Variants in ATP8B4 observed in about 807,000 individuals in gnomAD.
The protein encoded by ATP8B4 is ATPase phospholipid transporting 8B4 (putative).
ATP8B4 carries 133 observed loss-of-function variants against 145.6 expected under a neutral mutation model. That is an observed-to-expected ratio of 0.91 (90% CI 0.79 to 1.05). The LOEUF (loss-of-function observed/expected upper bound fraction) is 1.05. Among genes scored for constraint, ATP8B4 ranks in the 50% least tolerant of loss-of-function variants. The pLI, the probability that ATP8B4 is intolerant of heterozygous loss-of-function variation, is 0.00. For missense variants in ATP8B4, 1,458 were observed against 1,425.2 expected (o/e 1.02, Z -0.37); for synonymous variants, 507 against 492.9 (o/e 1.03, Z -0.38).
intron 14 of ATP8B4, among the ~76,000 whole-genome samples, chr15:49,946,659 G>A (rs1018189514): frequency 1.3e-5 from 2 of 151,848 alleles, no homozygotes; most frequent in African/African-American, 2.4e-5. Flanking sequence ...TTGCAACCCA[G>A]GGATGAAGGA....
chr15:49,930,658 AT>A (rs2041167407), intron 16 of ATP8B4, among the ~76,000 whole-genome samples: 1 of 152,086 alleles, frequency 6.6e-6, no homozygotes, highest in Non-Finnish European at 1.5e-5. Context: ...TGAATGGGCT[AT>A]GCAGTCACAC....
intron 6 of ATP8B4, among the ~76,000 whole-genome samples, chr15:50,019,626 C>G (rs1005753751): frequency 1.3e-5 from 2 of 152,174 alleles, no homozygotes; most frequent in African/African-American, 4.8e-5. Flanking sequence ...CACTCACTTT[C>G]TCTACTTCTT....
rs1567402913 is a variant in ATP8B4 at position 50,138,321 on chromosome 15, GATA to G, written c.-42-31316_-42-31314del. On this transcript the variant is annotated intron_variant, in intron 1 of 3. Coordinates refer to the ATP8B4 transcript ENST00000558829. ...AGATAGATACATATATAGATAGATA[GATA>G]GGTAGATAGATAGATAGATAGATAG... 5.1e-5 allele frequency among the ~76,000 whole-genome samples: 6 copies of G among 117,252 alleles called. No homozygotes were observed. In the East Asian group the frequency reaches 7.3e-4, roughly 14 times the overall value. 76.9% of individuals were successfully genotyped at this position (117,252 alleles called of 152,430 possible).
At chr15:50,137,461 A>G (rs1301222230) in intron 1 of ATP8B4, among the ~76,000 whole-genome samples, 1 of 152,326 alleles carries the variant, frequency 6.6e-6, no homozygotes, top group Middle Eastern at 3.4e-3. Flanking sequence ...GTGCGTCATC[A>G]TGACTCACAA....
intron 1 of ATP8B4, among the ~76,000 whole-genome samples, chr15:50,139,434 C>G (rs567394821): frequency 6.6e-6 from 1 of 150,840 alleles, no homozygotes; most frequent in Non-Finnish European, 1.5e-5. Context: ...CAGGGCCTGT[C>G]GGGGGGTTGG....
At chr15:49,862,663 T>G (rs2153371378) in intron 26 of ATP8B4, among the ~76,000 whole-genome samples, 1 of 152,180 alleles carries the variant, frequency 6.6e-6, no homozygotes, top group Admixed American at 6.5e-5. Context: ...TTTCACCATG[T>G]TAGCCAGGAT....
Position 49,981,312 on chromosome 15 carries a change from A to C in ATP8B4, c.749-18T>G, listed in dbSNP as rs371862443. On this transcript the variant is annotated intron_variant, in intron 10 of 27. Coordinates refer to ENST00000284509, the MANE Select transcript of ATP8B4 (RefSeq NM_024837.4). Reference sequence around the variant, plus strand: ...GTCAGGACCTGCAAAAACAAAAAAAAGTAAATAACTTTGAAATGATATGAT... The same window carrying C: ...GTCAGGACCTGCAAAAACAAAAAAACGTAAATAACTTTGAAATGATATGAT... The C allele has an allele frequency of 6.5e-7, 1 of 1,546,104 alleles. No individual in the cohort carries two copies. The highest frequency in any genetic ancestry group is 1.4e-5 in the African/African-American group (1 of 73,072).
At chr15:50,076,613 GT>G (rs2054196161) in intron 2 of ATP8B4, among the ~76,000 whole-genome samples, 1 of 152,220 alleles carries the variant, frequency 6.6e-6, no homozygotes, top group African/African-American at 2.4e-5. Flanking sequence ...TGGTAGGTCA[GT>G]TTGGATCTTC....
intron 6 of ATP8B4, among the ~76,000 whole-genome samples, chr15:50,035,156 A>C (rs569837889): frequency 5.9e-5 from 9 of 152,306 alleles, no homozygotes; most frequent in African/African-American, 7.2e-5. Context: ...AAGAAAACAA[A>C]AAAAAAAGTG....
intron 1 of ATP8B4, among the ~76,000 whole-genome samples, chr15:50,167,737 G>A (rs1028767058): frequency 2.6e-5 from 4 of 152,118 alleles, no homozygotes; most frequent in African/African-American, 4.8e-5. Flanking sequence ...TGCTGTGTGT[G>A]GCTTTAAGCA....
chr15:50,141,690 TTAAAA>T (rs1173532153), intron 1 of ATP8B4, among the ~76,000 whole-genome samples: 2 of 152,180 alleles, frequency 1.3e-5, no homozygotes, highest in Non-Finnish European at 2.9e-5. Flanking sequence ...TTTAAATTTA[TTAAAA>T]TTAAATAAGA....
chr15:49,962,720 T>A (rs975818723), intron 13 of ATP8B4, among the ~76,000 whole-genome samples: 2 of 152,102 alleles, frequency 1.3e-5, no homozygotes, highest in Admixed American at 1.3e-4. Context: ...TTGTTCATAA[T>A]CTTCTTGTTT....
At chr15:50,003,828 T>G (rs1301293696) in intron 7 of ATP8B4, among the ~76,000 whole-genome samples, 1 of 152,188 alleles carries the variant, frequency 6.6e-6, no homozygotes, top group Non-Finnish European at 1.5e-5. Flanking sequence ...TGGGTGGGGC[T>G]GCACTGACAC....
intron 20 of ATP8B4, among the ~76,000 whole-genome samples, chr15:49,914,846 C>T (rs1599105086): frequency 6.6e-6 from 1 of 152,044 alleles, no homozygotes; most frequent in East Asian, 1.9e-4. Flanking sequence ...GGAGCTATTA[C>T]ACTTTGTTGG....
At chr15:50,023,231 A>G (rs1220067603) in intron 6 of ATP8B4, among the ~76,000 whole-genome samples, 2 of 152,198 alleles carry the variant, frequency 1.3e-5, no homozygotes, top group Non-Finnish European at 2.9e-5. Context: ...ATATATGTAT[A>G]AATAATCTTC....
chr15:50,053,543 T>G (rs2052354003), intron 3 of ATP8B4, among the ~76,000 whole-genome samples: 1 of 152,252 alleles, frequency 6.6e-6, no homozygotes, highest in Non-Finnish European at 1.5e-5. Flanking sequence ...TACTGCCTGA[T>G]GTATGCTTAC....
At chr15:50,065,577 G>C (rs528214487) in intron 3 of ATP8B4, among the ~76,000 whole-genome samples, 10 of 152,134 alleles carry the variant, frequency 6.6e-5, no homozygotes, top group Non-Finnish European at 1.3e-4. Flanking sequence ...TGCCAACAAA[G>C]GAAACTCCAT....
intron 23 of ATP8B4, among the ~76,000 whole-genome samples, chr15:49,882,594 A>C (rs1447120666): frequency 6.6e-6 from 1 of 152,234 alleles, no homozygotes; most frequent in African/African-American, 2.4e-5. Context: ...CAAATGAATA[A>C]AAACTACATA....
intron 14 of ATP8B4, among the ~76,000 whole-genome samples, chr15:49,944,675 G>A (rs2042422862): frequency 6.6e-6 from 1 of 152,004 alleles, no homozygotes; most frequent in South Asian, 2.1e-4. Context: ...AGATCAATAA[G>A]GAAACAGAGG....
Sources: gnomAD v4.1 joint callset for allele counts (sites outside exome capture counted in the v4.1 genomes callset) on GRCh38, gnomAD v4.1.1 for gene constraint, MANE v1.5 for transcripts, NCBI Gene and HGNC (gene_info 2026-07-23, HGNC 2026-07-21) for gene names.